Variants in EMILIN1 observed in about 807,000 individuals in gnomAD.
EMILIN1 encodes EMILIN-1.
EMILIN1 carries 49 observed loss-of-function variants against 82.4 expected under a neutral mutation model. The ratio of observed to expected loss-of-function variants is 0.59; its 90% CI spans 0.47 to 0.75. The LOEUF is 0.75. Ranked by LOEUF, EMILIN1 falls within the 30% of genes least tolerant of loss-of-function variation. The pLI, the probability that EMILIN1 is intolerant of heterozygous loss-of-function variation, is 0.00. For synonymous variants in EMILIN1, 604 were observed against 602.2 expected, an observed-to-expected ratio of 1.00 and a Z score of -0.04; for missense variants, 1,313 against 1,366.4, an observed-to-expected ratio of 0.96 and a Z score of 0.62.
In EMILIN1 at chr2:27,080,947, G is replaced by A. The variant is rs1361570171; in HGVS notation, c.506G>A (p.Gly169Glu). 1.9e-6 allele frequency: 3 copies of A among 1,582,920 alleles called. No homozygotes were observed. The highest frequency in any genetic ancestry group is 3.6e-5 in the Admixed American group (2 of 55,624). Residue 169 changes from glycine to glutamate, a missense_variant, in exon 3 of 8, where the codon GGA becomes GAA. Coordinates refer to ENST00000380320, the MANE Select transcript of EMILIN1 (RefSeq NM_007046.4). ...SAGSPLSGLG[G>E]EGPGESEKVQ... is the part of the protein sequence containing the mutation. ...GGCAGCCCCCTCAGTGGACTGGGGG[G>A]AGAAGGTGAGTGTGGGAGCTGCTGC...
Position 27,082,449 on chromosome 2 carries a change from AGCTGGAGCAGCGGTT to A in EMILIN1, c.881_895del (p.Leu294_Leu298del). ...GGCCCCAGTGAGGAGCTGCTGCGGC[AGCTGGAGCAGCGGTT>A]GCAGGAGTCCTGCTCCGTGTGCCTG... On this transcript the variant is annotated inframe_deletion, in exon 4 of 8. Transcript: ENST00000380320. 1 of 1,578,146 alleles carries A rather than the reference AGCTGGAGCAGCGGTT, an allele frequency of 6.3e-7. No homozygotes were observed.
At position 27,079,163 on chromosome 2, in the gene EMILIN1, C is replaced by T. The variant is rs1369319095; in HGVS notation, c.98C>T (p.Thr33Ile). 29 of 1,595,100 alleles carry T rather than the reference C, an allele frequency of 1.8e-5. No homozygotes were observed. Among genetic ancestry groups the T allele is most frequent in the Middle Eastern group, 3.3e-4 (2 of 6,026 alleles). Residue 33 changes from threonine (T) to isoleucine (I), a missense_variant, in exon 1 of 8, where the codon ACA (threonine) becomes ATA (isoleucine). Coordinates refer to ENST00000380320, the MANE Select transcript of EMILIN1 (RefSeq NM_007046.4). Reference sequence around the variant, plus strand: ...CCTCCTCGAGGTTTCAGCCTCTACACAGGTTCCAGTGGGGCCCTCAGCCCC... The same window carrying T: ...CCTCCTCGAGGTTTCAGCCTCTACATAGGTTCCAGTGGGGCCCTCAGCCCC... Reference protein sequence around the residue: ...SYPPRGFSLYTGSSGALSPGG... With the variant: ...SYPPRGFSLYIGSSGALSPGG...
intron 5 of EMILIN1, 78 bp from the exon 6 acceptor site, chr2:27,084,913 A>C (rs1669568402): frequency 3.6e-6 from 5 of 1,374,308 alleles, no homozygotes; most frequent in Non-Finnish European, 4.2e-6. Context: ...GCACAACAGG[A>C]GAGCCTCAGC....
chr2:27,079,111 A>G lies in EMILIN1; in HGVS notation c.46A>G (p.Thr16Ala), dbSNP rs1669429493. 6.2e-7 allele frequency: 1 copy of G among 1,605,652 alleles called. No homozygotes were observed. The highest frequency in any genetic ancestry group is 8.5e-7 in the Non-Finnish European group (1 of 1,176,496). Residue 16 changes from threonine (T) to alanine (A), a missense_variant, in exon 1 of 8, where the codon ACG becomes GCG. Physicochemically the swap from Thr to Ala is moderately conservative, Grantham distance 58 (BLOSUM62 0). Coordinates refer to ENST00000380320, the MANE Select transcript of EMILIN1 (RefSeq NM_007046.4). Reference protein sequence around the residue: ...LWSCYLCCLLTAAAGAASYPP... With the variant: ...LWSCYLCCLLAAAAGAASYPP... ...GAGCTGCTACCTCTGCTGCCTGCTG[A>G]CGGCAGCTGCAGGGGCCGCCAGCTA...
At chr2:27,079,351 C>T in intron 1 of EMILIN1, 116 bp downstream of exon 1, 1 of 921,414 alleles carries the variant, frequency 1.1e-6, no homozygotes, top group Non-Finnish European at 1.6e-6. Context: ...GTGAGAAGCC[C>T]ATCCATCAGG....
chr2:27,082,584 G>T lies in EMILIN1; in HGVS notation c.1013G>T (p.Arg338Leu). 2 of 1,542,576 alleles carry T rather than the reference G, an allele frequency of 1.3e-6. No homozygotes were observed. The change falls in exon 4 of 8, where the codon CGG becomes CTG. Residue 338 changes from arginine (R) to leucine (L), a missense_variant. Transcript: ENST00000380320. ...KLLASVEERQ[R>L]HLAGLAVGRR... The stretch of plus-strand genomic sequence containing the variant: ...CTGGCCTCGGTGGAGGAGCGGCAAC[G>T]GCACCTCGCAGGGCTGGCGGTGGGC...
chr2:27,080,903 C>T lies in EMILIN1; in HGVS notation c.462C>T (p.Asn154=), dbSNP rs375870434. 72 of 1,607,214 alleles carry T rather than the reference C, an allele frequency of 4.5e-5. 1 individual carries two copies. In the Admixed American group the frequency reaches 5.4e-4, roughly 12 times the overall value. The change falls in exon 3 of 8, where the codon AAC becomes AAT. Residue 154 remains asparagine (N), a synonymous_variant. Coordinates refer to ENST00000380320, the MANE Select transcript of EMILIN1 (RefSeq NM_007046.4). The part of the protein sequence containing the change: ...PRPLARPARP[N]LSGSSAGSPL... ...CCCTGGCCCGGCCTGCCCGCCCCAACCTCTCTGGCTCCAGTGCAGGCAGCC... is the reference window on the plus strand; with the variant it reads ...CCCTGGCCCGGCCTGCCCGCCCCAATCTCTCTGGCTCCAGTGCAGGCAGCC...
In EMILIN1 at chr2:27,082,469, G is replaced by A. The variant is rs1198244125; in HGVS notation, c.898G>A (p.Glu300Lys). Residue 300 changes from glutamate to lysine, a missense_variant, in exon 4 of 8, where the codon GAG becomes AAG. Glu to Lys is a moderately conservative substitution (Grantham distance 56, BLOSUM62 1). Transcript: ENST00000380320. ...LLRQLEQRLQESCSVCLAGLD... is the reference protein window; with the variant it reads ...LLRQLEQRLQKSCSVCLAGLD... The stretch of plus-strand genomic sequence containing the variant: ...GCGGCAGCTGGAGCAGCGGTTGCAG[G>A]AGTCCTGCTCCGTGTGCCTGGCCGG... 3 of 1,563,420 alleles carry A rather than the reference G, an allele frequency of 1.9e-6. No homozygotes were observed. The highest frequency in any genetic ancestry group is 2.3e-5 in the South Asian group (2 of 86,696).
At position 27,079,255 on chromosome 2, in the gene EMILIN1, C is replaced by G; in HGVS notation, c.170+20C>G. The G allele has an allele frequency of 6.5e-7, 1 of 1,534,818 alleles. No homozygotes were observed. The highest frequency in any genetic ancestry group is 2.6e-5 in the East Asian group (1 of 37,792). On this transcript the variant is annotated intron_variant, in intron 1 of 7. Coordinates refer to ENST00000380320, the MANE Select transcript of EMILIN1 (RefSeq NM_007046.4). ...CCACAGGTAAGAGTCTGGATCCCAG[C>G]CCGAGGCTTGGGTGGTGAGGAAGGG...
At chr2:27,084,299 G>A (rs1558435126) in intron 4 of EMILIN1, 116 bp from the exon 5 acceptor site, 2 of 741,514 alleles carry the variant, frequency 2.7e-6, no homozygotes, top group East Asian at 2.5e-5. Context: ...CCCTCAGCCT[G>A]CAAAGCTCCA....
Position 27,085,226 on chromosome 2 carries a change from G to T in EMILIN1, c.2642G>T (p.Arg881Leu). 2 of 1,614,132 alleles carry T rather than the reference G, an allele frequency of 1.2e-6. No individual in the cohort carries two copies. The highest frequency in any genetic ancestry group is 1.7e-6 in the Non-Finnish European group (2 of 1,180,042). The part of the protein sequence containing the change: ...VAFSAALSLP[R>L]SEPGTVPFDR... Reference sequence around the variant, plus strand: ...TTTTCAGCTGCTCTGAGTTTGCCCCGGTCTGAACCAGGCACGGTCCCCTTC... The same window carrying T: ...TTTTCAGCTGCTCTGAGTTTGCCCCTGTCTGAACCAGGCACGGTCCCCTTC... The change falls in exon 7 of 8, where the codon CGG becomes CTG. Residue 881 changes from arginine (R) to leucine (L), a missense_variant. Physicochemically the swap from Arg to Leu is moderately radical, Grantham distance 102. Coordinates refer to ENST00000380320, the MANE Select transcript of EMILIN1 (RefSeq NM_007046.4).
chr2:27,085,855 G>A lies in EMILIN1; in HGVS notation c.2891G>A (p.Ser964Asn). ...ENKPVAESQP[S>N]PGTLGVFSLI... ...AAGCCGGTGGCCGAGAGCCAGCCCA[G>A]CCCGGGCACCCTGGGCGTCTTCAGC... Residue 964 changes from serine to asparagine, a missense_variant, in exon 8 of 8, where the codon AGC (serine) becomes AAC (asparagine). Transcript: ENST00000380320. 1 of 1,605,808 alleles carries A rather than the reference G, an allele frequency of 6.2e-7. No individual in the cohort carries two copies.
At position 27,082,393 on chromosome 2, in the gene EMILIN1, C is replaced by T; in HGVS notation, c.822C>T (p.Ser274=). The change falls in exon 4 of 8, where the codon AGC becomes AGT. Residue 274 remains serine, a synonymous_variant. Transcript: ENST00000380320. ...GCGGCAGCAGCAGCAGTGGGGGCAG[C>T]AGGGCCCCAGCCCCAGCCTCAGCCC... The part of the protein sequence containing the change: ...HHGGSSSSGG[S]RAPAPASAPP... The T allele has an allele frequency of 6.2e-7, 1 of 1,609,044 alleles. No homozygotes were observed. Among genetic ancestry groups the T allele is most frequent in the Non-Finnish European group, 8.5e-7 (1 of 1,178,944 alleles).
In EMILIN1 at chr2:27,086,100, C is replaced by A; in HGVS notation, c.*85C>A. The stretch of plus-strand genomic sequence containing the variant: ...CTGGGGTCTCGCCTGAGACGGGGCA[C>A]CTAGCCCTGGGCGAGCGCCGCACCC... On this transcript the variant is annotated 3_prime_UTR_variant, in exon 8 of 8. Transcript: ENST00000380320. The A allele has an allele frequency of 9.3e-7, 1 of 1,070,136 alleles. No homozygotes were observed. Among genetic ancestry groups the A allele is most frequent in the South Asian group, 3.1e-5 (1 of 31,788 alleles). 66.3% of individuals were successfully genotyped at this position (1,070,136 alleles called of 1,614,324 possible).
Position 27,085,266 on chromosome 2 carries a change from C to A in EMILIN1, c.2682C>A (p.Leu894=). 1 of 1,614,108 alleles carries A rather than the reference C, an allele frequency of 6.2e-7. No homozygotes were observed. The highest frequency in any genetic ancestry group is 8.5e-7 in the Non-Finnish European group (1 of 1,180,046). The change falls in exon 7 of 8, where the codon CTC becomes CTA. Residue 894 remains leucine, a synonymous_variant. Transcript: ENST00000380320. ...PGTVPFDRVL[L]NDGGYYDPET... ...CGGTCCCCTTCGACAGAGTCCTGCT[C>A]AATGATGGAGGCTATTATGATCCAG...
At chr2:27,084,633 A>G in intron 5 of EMILIN1, 102 bp downstream of exon 5, 1 of 730,892 alleles carries the variant, frequency 1.4e-6, no homozygotes, top group South Asian at 1.6e-5. Context: ...TCTGAACTTG[A>G]CAAGGGGAAT....
chr2:27,083,366 G>A lies in EMILIN1; in HGVS notation c.1795G>A (p.Val599Met), dbSNP rs917814042. ...GGAACTAGGCCGCCTTCGGGATGGT[G>A]TGGAGCGCTGCTCCTGCCCCCTGTT... ...QEELGRLRDGVERCSCPLLPP... is the reference protein window; with the variant it reads ...QEELGRLRDGMERCSCPLLPP... The change falls in exon 4 of 8, where the codon GTG becomes ATG. Residue 599 changes from valine (V) to methionine (M), a missense_variant. Val to Met is a conservative substitution (Grantham distance 21, BLOSUM62 1). Coordinates refer to ENST00000380320, the MANE Select transcript of EMILIN1 (RefSeq NM_007046.4). 1.2e-6 allele frequency: 2 copies of A among 1,612,634 alleles called. No individual in the cohort carries two copies. The highest frequency in any genetic ancestry group is 3.3e-5 in the Admixed American group (2 of 60,026).
rs914900922 is a variant in EMILIN1, at chr2:27,079,194, G to T, written c.129G>T (p.Gly43=). The T allele has an allele frequency of 6.3e-7, 1 of 1,579,982 alleles. No individual in the cohort carries two copies. The change falls in exon 1 of 8, where the codon GGG becomes GGT. Residue 43 remains glycine (G), a synonymous_variant. Coordinates refer to ENST00000380320, the MANE Select transcript of EMILIN1 (RefSeq NM_007046.4). ...TGSSGALSPG[G]PQAQIAPRPA... is the part of the protein sequence containing the mutation. ...CCAGTGGGGCCCTCAGCCCCGGGGG[G>T]CCCCAGGCCCAGATTGCCCCCCGGC...
chr2:27,081,046 TGC>T lies in EMILIN1; in HGVS notation c.511+95_511+96del. The T allele has an allele frequency of 3.1e-6, 3 of 956,414 alleles. No homozygotes were observed. The South Asian group carries it at 4.8e-5, about 15-fold the overall frequency. 59.2% of individuals were successfully genotyped at this position (956,414 alleles called of 1,614,324 possible). A position where few individuals can be genotyped will look rare whatever the true frequency, so the allele number is the denominator to read the frequency against. ...GCCAGGCTGCTGGGGGAGTCCCCCGTGCTCTATGCCAGAGAGAAGAGAGGGGC... is the reference window on the plus strand; with the variant it reads ...GCCAGGCTGCTGGGGGAGTCCCCCGTTCTATGCCAGAGAGAAGAGAGGGGC... On this transcript the variant is annotated intron_variant, in intron 3 of 7. Transcript: ENST00000380320.
Sources: allele counts gnomAD v4.1 joint callset, GRCh38; gene constraint gnomAD v4.1.1; transcripts MANE v1.5; gene names NCBI Gene and HGNC (gene_info 2026-07-23, HGNC 2026-07-21).